CGRRF1: variants seen among roughly 807,000 people sequenced by gnomAD.
CGRRF1 encodes the protein cell growth regulator with RING finger domain protein 1.
Under a neutral mutation model 37.2 loss-of-function variants are expected in CGRRF1, and 32 were observed. That is an observed-to-expected ratio of 0.86 (90% CI 0.65 to 1.16). The LOEUF (loss-of-function observed/expected upper bound fraction) is 1.16, where lower values mean the gene tolerates loss of function less well. Ranked by LOEUF, CGRRF1 falls within the 50% of genes most tolerant of loss-of-function variation. CGRRF1 has a pLI of 0.00. For synonymous variants in CGRRF1, 141 were observed against 140.3 expected (o/e 1.00, Z -0.04); for missense variants, 391 against 382.6 (o/e 1.02, Z -0.18).
chr14:54,536,809 T>C (rs1170799300), intron 4 of CGRRF1: 1 of 152,192 alleles, frequency 6.6e-6, no homozygotes, highest in Non-Finnish European at 1.5e-5. Flanking sequence ...GTGTTTTGAC[T>C]TTGTTTATGG....
At chr14:54,517,549 C>T (rs2032238660) in intron 1 of CGRRF1, among the ~76,000 whole-genome samples, 1 of 152,124 alleles carries the variant, frequency 6.6e-6, no homozygotes, top group South Asian at 2.1e-4. Context: ...CCTTTGTTAT[C>T]ACCCTCACTG....
chr14:54,530,903 T>G lies in CGRRF1; in HGVS notation c.423T>G (p.Phe141Leu), dbSNP rs780912699. The G allele has an allele frequency of 4.4e-6, 7 of 1,581,412 alleles. No homozygotes were observed. The African/African-American group carries it at 9.5e-5, about 21-fold the overall frequency. Reference protein sequence around the residue: ...YSEYLYQEQYFIKKDSKEEIY... With the variant: ...YSEYLYQEQYLIKKDSKEEIY... ...AATTTACCTTTACATTTTCAAAAAG[T>G]ATTAAAAAGGATAGCAAAGAAGAAA... The change falls in exon 4 of 6, where the codon TTT becomes TTG. Residue 141 changes from phenylalanine (F) to leucine (L), a missense_variant and splice_region_variant. By Grantham distance (22) the Phe-to-Leu change is conservative. Transcript: ENST00000216420.
At chr14:54,514,908 T>A (rs1029485788) in intron 1 of CGRRF1, among the ~76,000 whole-genome samples, 2 of 152,216 alleles carry the variant, frequency 1.3e-5, no homozygotes, top group African/African-American at 4.8e-5. Context: ...TTTGGAAATT[T>A]TAAAGATATC....
At chr14:54,510,356 C>T in intron 1 of CGRRF1, 1 of 415,778 alleles carries the variant, frequency 2.4e-6, no homozygotes, top group South Asian at 2.5e-5. Context: ...CCAGGAAGGG[C>T]TTGGGCTTGG....
At chr14:54,533,166 A>G (rs1468230051) in intron 4 of CGRRF1, among the ~76,000 whole-genome samples, 1 of 150,978 alleles carries the variant, frequency 6.6e-6, no homozygotes, top group Non-Finnish European at 1.5e-5. Context: ...TAAAATATAT[A>G]TATTTTATAT....
intron 4 of CGRRF1, among the ~76,000 whole-genome samples, chr14:54,535,505 G>T (rs2032586636): frequency 6.6e-6 from 1 of 152,094 alleles, no homozygotes; most frequent in Non-Finnish European, 1.5e-5. Context: ...CCTTTTCAGA[G>T]TGCCACCTCT....
At position 54,522,579 on chromosome 14, in the gene CGRRF1, C is replaced by T. The variant is rs1566509132; in HGVS notation, c.230C>T (p.Ser77Leu). Reference protein sequence around the residue: ...PFGLEITNPSSASITTGITLT... With the variant: ...PFGLEITNPSLASITTGITLT... ...GGCTTAGAGATCACTAATCCATCTTCAGCTTCAATTACAAGTTGGTGGCTG... is the reference window on the plus strand; with the variant it reads ...GGCTTAGAGATCACTAATCCATCTTTAGCTTCAATTACAAGTTGGTGGCTG... Residue 77 changes from serine to leucine, a missense_variant, in exon 2 of 6, where the codon TCA (serine) becomes TTA (leucine). Coordinates refer to ENST00000216420, the MANE Select transcript of CGRRF1 (RefSeq NM_006568.3). 1 of 1,580,126 alleles carries T rather than the reference C, an allele frequency of 6.3e-7. No homozygotes were observed.
At chr14:54,525,990 A>G (rs1399055573) in intron 2 of CGRRF1, among the ~76,000 whole-genome samples, 5 of 152,056 alleles carry the variant, frequency 3.3e-5, no homozygotes, top group Middle Eastern at 3.4e-3. Context: ...CCGGCTACTC[A>G]GGAGGCTTAG....
chr14:54,516,753 C>A (rs896862603), intron 1 of CGRRF1, among the ~76,000 whole-genome samples: 1 of 152,178 alleles, frequency 6.6e-6, no homozygotes, highest in African/African-American at 2.4e-5. Context: ...AATACTTTAT[C>A]TGTCCTCTGC....
chr14:54,510,177 C>A, intron 1 of CGRRF1, 114 bp downstream of exon 1: 1 of 736,332 alleles, frequency 1.4e-6, no homozygotes, highest in Non-Finnish European at 2.4e-6. Flanking sequence ...GTCGGGGATT[C>A]GGTGTCCCCG....
At chr14:54,536,868 C>A (rs575840370) in intron 4 of CGRRF1, 1 of 152,004 alleles carries the variant, frequency 6.6e-6, no homozygotes, top group East Asian at 1.9e-4. Context: ...AAGTGTATTT[C>A]CTCTGGGTTT....
chr14:54,510,121 C>A, intron 1 of CGRRF1, 58 bp downstream of exon 1: 1 of 1,341,488 alleles, frequency 7.5e-7, no homozygotes, highest in Non-Finnish European at 1.1e-6. Flanking sequence ...GGGGTCGCGA[C>A]GAGCAGCAGG....
intron 4 of CGRRF1, among the ~76,000 whole-genome samples, chr14:54,535,571 C>A (rs1351719362): frequency 6.6e-6 from 1 of 152,106 alleles, no homozygotes; most frequent in East Asian, 1.9e-4. Context: ...ATCTCTTAGT[C>A]AAGGTGTTAT....
intron 4 of CGRRF1, among the ~76,000 whole-genome samples, chr14:54,533,733 A>G (rs2032557673): frequency 6.6e-6 from 1 of 152,120 alleles, no homozygotes; most frequent in Admixed American, 6.5e-5. Context: ...AAAAAAGGAA[A>G]GCAGGAATTG....
rs376708392 is a variant in CGRRF1, at chr14:54,524,407, A to G, written c.244+1814A>G. Among the ~76,000 whole-genome samples, 13 of 144,630 alleles carry G rather than the reference A, an allele frequency of 9.0e-5. 1 individual carries two copies. In the South Asian group the frequency reaches 2.8e-3, roughly 32 times the overall value. The allele number at this position is 144,630 out of a possible 152,430, so 94.9% of individuals were successfully genotyped here. On this transcript the variant is annotated intron_variant, in intron 2 of 5. Coordinates refer to ENST00000216420, the MANE Select transcript of CGRRF1 (RefSeq NM_006568.3). ...TATGTTTTTTTTTTTTTTTTTCGAG[A>G]CAGGCTCTTGCTCTTCCACCCAGGC...
chr14:54,536,003 A>G (rs991761216), intron 4 of CGRRF1: 5 of 152,250 alleles, frequency 3.3e-5, no homozygotes, highest in Non-Finnish European at 7.3e-5. Flanking sequence ...TAGTTCTCTC[A>G]AAAGTCAGAA....
intron 4 of CGRRF1, among the ~76,000 whole-genome samples, chr14:54,531,686 T>A (rs2032517977): frequency 6.6e-6 from 1 of 152,206 alleles, no homozygotes. Flanking sequence ...TCAGTAATTA[T>A]AATAATCTCC....
At chr14:54,524,402 T>C (rs1018611869) in intron 2 of CGRRF1, among the ~76,000 whole-genome samples, 9 of 151,350 alleles carry the variant, frequency 5.9e-5, no homozygotes, top group African/African-American at 9.7e-5. Flanking sequence ...TTTTTTTTTT[T>C]CGAGACAGGC....
rs904772190 is a variant in CGRRF1 at position 54,528,268 on chromosome 14, A to G, written c.245-1781A>G. Among the ~76,000 whole-genome samples the G allele has an allele frequency of 4.9e-4, 70 of 142,754 alleles. 1 individual carries two copies. The highest frequency in any genetic ancestry group is 4.6e-3 in the Admixed American group (63 of 13,748). The allele number at this position is 142,754 out of a possible 152,430, so 93.7% of individuals were successfully genotyped here. A position where few individuals can be genotyped will look rare whatever the true frequency, so the allele number is the denominator to read the frequency against. On this transcript the variant is annotated intron_variant, in intron 2 of 5. Transcript: ENST00000216420. ...CACTGTGTCAGCCAGGTTGTAGTGC[A>G]GTGGCACGATCTCGGCTCACTGTAA... is the stretch of plus-strand genomic sequence containing the variant.
Sources: allele counts gnomAD v4.1 joint callset (sites outside exome capture counted in the v4.1 genomes callset), GRCh38; gene constraint gnomAD v4.1.1; transcripts MANE v1.5; gene names NCBI Gene and HGNC (gene_info 2026-07-23, HGNC 2026-07-21).